Variants in MTMR10 observed in about 807,000 individuals in gnomAD.
The protein encoded by MTMR10 is myotubularin-related protein 10.
In MTMR10, 56 loss-of-function variants were observed where a neutral mutation model predicts 88.1. The ratio of observed to expected loss-of-function variants is 0.64; its 90% CI spans 0.51 to 0.79. The LOEUF (loss-of-function observed/expected upper bound fraction) is 0.79. Among genes scored for constraint, MTMR10 ranks in the 30% least tolerant of loss-of-function variants. The probability of loss-of-function intolerance (pLI) is 0.00; values close to 1 mark genes in which losing one functional copy is unlikely to be tolerated. For missense variants in MTMR10, 883 were observed against 924.7 expected, an observed-to-expected ratio of 0.95 and a Z score of 0.58; for synonymous variants, 380 against 340.9, an observed-to-expected ratio of 1.11 and a Z score of -1.26.
intron 10 of MTMR10, 79 bp downstream of exon 10, chr15:30,954,684 A>AAGAACAT: frequency 7.6e-7 from 1 of 1,319,396 alleles, no homozygotes; most frequent in Non-Finnish European, 1.0e-6. Context: ...CTACATTTTT[A>AAGAACAT]AGAACATCAC....
chr15:30,941,590 TGAG>T lies in MTMR10; in HGVS notation c.2211_2213del (p.Ser738del), dbSNP rs778169019. 14 of 1,599,938 alleles carry T rather than the reference TGAG, an allele frequency of 8.8e-6. No homozygotes were observed. The highest frequency in any genetic ancestry group is 6.7e-5 in the African/African-American group (5 of 74,762). ...GATTCCCTACAGGAGAAAATGGAAATGAGGAGGAGAGAAACTCCGGTGTCCCCG... is the reference window on the plus strand; with the variant it reads ...GATTCCCTACAGGAGAAAATGGAAATGAGGAGAGAAACTCCGGTGTCCCCG... On this transcript the variant is annotated inframe_deletion, in exon 16 of 16. Coordinates refer to ENST00000435680, the MANE Select transcript of MTMR10 (RefSeq NM_017762.3).
intron 2 of MTMR10, among the ~76,000 whole-genome samples, chr15:30,990,095 G>A (rs559469881): frequency 6.6e-6 from 1 of 152,174 alleles, no homozygotes; most frequent in Admixed American, 6.5e-5. Flanking sequence ...TTCTAAAGCA[G>A]TGATTCTCAA....
At chr15:30,975,101 TC>T in intron 3 of MTMR10, 98 bp from the exon 4 acceptor site, 4 of 921,840 alleles carry the variant, frequency 4.3e-6, no homozygotes, top group Non-Finnish European at 3.2e-6. Context: ...GACAGTTATC[TC>T]TAAAAAGCAC....
intron 2 of MTMR10, among the ~76,000 whole-genome samples, chr15:30,983,505 T>G (rs1473662008): frequency 2.6e-5 from 4 of 152,246 alleles, no homozygotes; most frequent in Non-Finnish European, 4.4e-5. Context: ...CCTAACACCT[T>G]ATACATTTAG....
Position 30,940,686 on chromosome 15 carries a change from C to T in MTMR10, c.*784G>A, listed in dbSNP as rs761814875. ...CACTCCCCAGTGGCTTTCAGAGGAACAAGACTCTGGGGACTCCTGGCTATG... is the reference window on the plus strand; with the variant it reads ...CACTCCCCAGTGGCTTTCAGAGGAATAAGACTCTGGGGACTCCTGGCTATG... On this transcript the variant is annotated 3_prime_UTR_variant, in exon 16 of 16. Transcript: ENST00000435680. 13 of 987,304 alleles carry T rather than the reference C, an allele frequency of 1.3e-5. No individual in the cohort carries two copies. Among genetic ancestry groups the T allele is most frequent in the Admixed American group, 6.1e-5 (1 of 16,400 alleles). The allele number at this position is 987,304 out of a possible 1,614,324, so 61.2% of individuals were successfully genotyped here.
chr15:30,955,517 C>A (rs372690844), intron 9 of MTMR10, among the ~76,000 whole-genome samples: 9 of 152,140 alleles, frequency 5.9e-5, no homozygotes, highest in East Asian at 1.9e-4. Context: ...TGATTCACCC[C>A]CCTTGGCCTC....
Position 30,958,018 on chromosome 15 carries a change from A to G in MTMR10, c.935+845T>C, listed in dbSNP as rs371184670. 7.9e-5 allele frequency among the ~76,000 whole-genome samples: 12 copies of G among 152,346 alleles called. No individual in the cohort carries two copies. The East Asian group carries it at 1.9e-3, about 24-fold the overall frequency. On this transcript the variant is annotated intron_variant, in intron 9 of 15. Transcript: ENST00000435680. ...AAGGGAAAGAAAGAGGAAGGCATCC[A>G]GGATGACCCCCCGGTTTCTGAGAGC...
chr15:30,936,578 T>C (rs970984440), downstream of MTMR10, among the ~76,000 whole-genome samples: 7 of 152,234 alleles, frequency 4.6e-5, no homozygotes, highest in Non-Finnish European at 7.3e-5. Context: ...TCTGAATAAA[T>C]TTCTTAGCTA....
At chr15:30,929,416 G>A in the MTMR10 span, 1 of 1,574,910 alleles carries the variant, frequency 6.3e-7, no homozygotes, top group Non-Finnish European at 8.6e-7. Flanking sequence ...TCACCTGCAT[G>A]GCAGGATTTG....
intron 15 of MTMR10, 103 bp downstream of exon 15, chr15:30,942,787 G>A (rs936051516): frequency 1.7e-6 from 2 of 1,197,574 alleles, no homozygotes; most frequent in South Asian, 1.7e-5. Context: ...CGCATTAGCA[G>A]TGTTACTCTT....
chr15:30,951,250 C>G (rs910315844), intron 12 of MTMR10, among the ~76,000 whole-genome samples: 1 of 152,202 alleles, frequency 6.6e-6, no homozygotes, highest in African/African-American at 2.4e-5. Flanking sequence ...GCAGTTCAGT[C>G]TAAATTTCTT....
At chr15:30,925,638 C>G in the MTMR10 span, 1 of 901,832 alleles carries the variant, frequency 1.1e-6, no homozygotes, top group Non-Finnish European at 1.7e-6. Flanking sequence ...GTCACATCCC[C>G]GCAGTTCTGC....
At chr15:30,935,779 A>G (rs925095516), downstream of MTMR10, among the ~76,000 whole-genome samples, 7 of 152,208 alleles carry the variant, frequency 4.6e-5, no homozygotes, top group African/African-American at 1.4e-4. Flanking sequence ...TTATTTTTCA[A>G]TACTTTAAAA....
At chr15:30,927,876 G>T in the MTMR10 span, 1 of 985,708 alleles carries the variant, frequency 1.0e-6, no homozygotes, top group Non-Finnish European at 1.2e-6. Context: ...CTCTGACTCT[G>T]TGACCTCAGC....
chr15:30,932,713 TTTC>T, the MTMR10 span, among the ~76,000 whole-genome samples: 2 of 98,466 alleles, frequency 2.0e-5, no homozygotes, highest in African/African-American at 4.1e-5. Flanking sequence ...ATTTGTTTCT[TTTC>T]TTTTTTTTTT....
chr15:30,935,920 C>T (rs1016946455), downstream of MTMR10, among the ~76,000 whole-genome samples: 5 of 151,948 alleles, frequency 3.3e-5, no homozygotes, highest in Non-Finnish European at 7.4e-5. Flanking sequence ...CCTAGGGTGC[C>T]GTTACATTTG....
intron 12 of MTMR10, 142 bp downstream of exon 12, chr15:30,951,826 G>T: frequency 2.8e-6 from 2 of 716,388 alleles, no homozygotes; most frequent in Non-Finnish European, 4.7e-6. Context: ...CAAATGATGT[G>T]CAAAATCTGT....
downstream of MTMR10, chr15:30,936,989 G>A: frequency 1.4e-6 from 1 of 733,872 alleles, no homozygotes; most frequent in East Asian, 2.5e-5. Flanking sequence ...GTATATTTGT[G>A]TTACACTTAC....
intron 7 of MTMR10, among the ~76,000 whole-genome samples, chr15:30,960,004 T>C (rs1483688169): frequency 6.6e-6 from 1 of 152,014 alleles, no homozygotes; most frequent in Admixed American, 6.5e-5. Context: ...AAGGAGAAAA[T>C]GTAGATATTT....
Sources: allele counts gnomAD v4.1 joint callset (sites outside exome capture counted in the v4.1 genomes callset), GRCh38; gene constraint gnomAD v4.1.1; transcripts MANE v1.5; gene names NCBI Gene and HGNC (gene_info 2026-07-23, HGNC 2026-07-21).